The following SPRR2B variants were observed in gnomAD, a reference collection of about 807,000 sequenced individuals.
SPRR2B encodes small proline rich protein 2B, also known as small proline-rich protein 2B.
In SPRR2B, 1 loss-of-function variant was observed where a neutral mutation model predicts 1.0. That is an observed-to-expected ratio of 1.01 (90% CI 0.36 to 4.77). The LOEUF (loss-of-function observed/expected upper bound fraction) is 4.77, where lower values mean the gene tolerates loss of function less well. Ranked by LOEUF, SPRR2B falls within the 30% of genes most tolerant of loss-of-function variation. SPRR2B has a pLI of 0.16. For missense variants in SPRR2B, 53 were observed against 88.7 expected, an observed-to-expected ratio of 0.60 and a Z score of 1.62; for synonymous variants, 27 against 33.4, an observed-to-expected ratio of 0.81 and a Z score of 0.66.
At chr1:153,078,330 GA>G in the SPRR2B span, among the ~76,000 whole-genome samples, 1 of 151,980 alleles carries the variant, frequency 6.6e-6, no homozygotes, top group Non-Finnish European at 1.5e-5. Flanking sequence ...GACTACAAAA[GA>G]CATGTATATA....
At chr1:153,084,315 G>C in the SPRR2B span, among the ~76,000 whole-genome samples, 2 of 152,064 alleles carry the variant, frequency 1.3e-5, no homozygotes, top group Admixed American at 6.5e-5. Context: ...GCTGCAGTGA[G>C]AGTACAGTCA....
chr1:153,073,227 A>G (rs1210679005), upstream of SPRR2B, among the ~76,000 whole-genome samples: 1 of 152,236 alleles, frequency 6.6e-6, no homozygotes, highest in Non-Finnish European at 1.5e-5. Flanking sequence ...GTGTTTACAA[A>G]CAGTGTTCTC....
At chr1:153,079,929 G>A in the SPRR2B span, among the ~76,000 whole-genome samples, 2 of 152,086 alleles carry the variant, frequency 1.3e-5, no homozygotes, top group Non-Finnish European at 2.9e-5. Context: ...GATGGGGATG[G>A]CATTGAATCT....
At chr1:153,079,737 T>TAA in the SPRR2B span, among the ~76,000 whole-genome samples, 1 of 152,150 alleles carries the variant, frequency 6.6e-6, no homozygotes, top group Non-Finnish European at 1.5e-5. Flanking sequence ...TCTGTTTTGG[T>TAA]ACCAGTACCA....
At chr1:153,084,291 C>T in the SPRR2B span, among the ~76,000 whole-genome samples, 1 of 152,102 alleles carries the variant, frequency 6.6e-6, no homozygotes, top group African/African-American at 2.4e-5. Flanking sequence ...GAGTGTGCAT[C>T]CTGCCCTGTC....
the SPRR2B span, among the ~76,000 whole-genome samples, chr1:153,082,909 T>C: frequency 6.6e-6 from 1 of 152,168 alleles, no homozygotes; most frequent in Non-Finnish European, 1.5e-5. Context: ...AATAACATTG[T>C]TTTATTTCTT....
At chr1:153,087,660 T>C in the SPRR2B span, among the ~76,000 whole-genome samples, 2 of 152,280 alleles carry the variant, frequency 1.3e-5, no homozygotes, top group East Asian at 3.9e-4. Context: ...ACAAATGCAT[T>C]CTTGGACACA....
chr1:153,073,695 TCACACACACACACACA>T (rs4041380), upstream of SPRR2B, among the ~76,000 whole-genome samples: 5 of 144,454 alleles, frequency 3.5e-5, no homozygotes, highest in Admixed American at 6.9e-5. Flanking sequence ...GAGGCATACT[TCACACACACACACACA>T]CACACACACA....
chr1:153,070,943 A>G, intron 1 of SPRR2B, 85 bp from the exon 2 acceptor site: 2 of 1,167,342 alleles, frequency 1.7e-6, no homozygotes, highest in South Asian at 2.9e-5. Context: ...ATGGCATATT[A>G]TTTCTCCAAT....
the SPRR2B span, among the ~76,000 whole-genome samples, chr1:153,079,641 T>A: frequency 6.6e-6 from 1 of 152,196 alleles, no homozygotes; most frequent in East Asian, 1.9e-4. Flanking sequence ...CCATTGCTTG[T>A]TTTTGTCAGG....
the SPRR2B span, among the ~76,000 whole-genome samples, chr1:153,081,211 G>A: frequency 6.6e-6 from 1 of 152,210 alleles, no homozygotes; most frequent in East Asian, 1.9e-4. Context: ...TCATATCTAA[G>A]AAATCCTTAA....
At chr1:153,078,280 A>T in the SPRR2B span, among the ~76,000 whole-genome samples, 2 of 152,258 alleles carry the variant, frequency 1.3e-5, no homozygotes, top group Admixed American at 1.3e-4. Context: ...CTACACTAAC[A>T]TCAGACATAA....
chr1:153,079,842 A>C, the SPRR2B span, among the ~76,000 whole-genome samples: 1 of 152,080 alleles, frequency 6.6e-6, no homozygotes, highest in South Asian at 2.1e-4. Flanking sequence ...TGACTTGGCA[A>C]TGCGGGCTCT....
the SPRR2B span, among the ~76,000 whole-genome samples, chr1:153,079,679 A>G: frequency 6.6e-6 from 1 of 152,050 alleles, no homozygotes; most frequent in African/African-American, 2.4e-5. Flanking sequence ...GGTTGTAGAT[A>G]TGCAGCATTA....
At chr1:153,087,557 G>A in the SPRR2B span, among the ~76,000 whole-genome samples, 1 of 152,004 alleles carries the variant, frequency 6.6e-6, no homozygotes, top group East Asian at 1.9e-4. Flanking sequence ...AAAAAACAAA[G>A]GGGATATTAC....
chr1:153,083,611 G>T, the SPRR2B span, among the ~76,000 whole-genome samples: 1 of 152,180 alleles, frequency 6.6e-6, no homozygotes, highest in Non-Finnish European at 1.5e-5. Flanking sequence ...AAGAGAGAAA[G>T]CTGGGAGCCC....
upstream of SPRR2B, among the ~76,000 whole-genome samples, chr1:153,073,861 A>G (rs1654722243): frequency 6.6e-6 from 1 of 152,200 alleles, no homozygotes; most frequent in South Asian, 2.1e-4. Context: ...ATCATTAAGT[A>G]TGAATGATTA....
intron 1 of SPRR2B, among the ~76,000 whole-genome samples, chr1:153,071,196 T>G (rs1654658333): frequency 7.8e-6 from 1 of 128,668 alleles, no homozygotes; most frequent in South Asian, 2.4e-4. Flanking sequence ...ATCATCATTA[T>G]CTGTTGTAAA....
upstream of SPRR2B, among the ~76,000 whole-genome samples, chr1:153,074,678 T>A (rs184442501): frequency 2.0e-5 from 3 of 152,340 alleles, no homozygotes; most frequent in Non-Finnish European, 2.9e-5. Flanking sequence ...ATATATTAAA[T>A]GTGATTATAT....
Sources: allele counts gnomAD v4.1 joint callset (sites outside exome capture counted in the v4.1 genomes callset), GRCh38; gene constraint gnomAD v4.1.1; transcripts MANE v1.5; gene names NCBI Gene and HGNC (gene_info 2026-07-23, HGNC 2026-07-21).